Variants in WNT8B observed in about 807,000 individuals in gnomAD.
The protein encoded by WNT8B is protein Wnt-8b.
Under a neutral mutation model 36.6 loss-of-function variants are expected in WNT8B, and 24 were observed. The ratio of observed to expected loss-of-function variants is 0.66; its 90% CI spans 0.48 to 0.92. WNT8B has a LOEUF of 0.92. Among genes scored for constraint, WNT8B ranks in the 40% least tolerant of loss-of-function variants. The pLI, the probability that WNT8B is intolerant of heterozygous loss-of-function variation, is 0.00. For synonymous variants in WNT8B, 199 were observed against 189.8 expected (o/e 1.05, Z -0.40); for missense variants, 402 against 470.8 (o/e 0.85, Z 1.35).
chr10:100,476,334 C>G (rs1403778974), intron 1 of WNT8B, among the ~76,000 whole-genome samples: 1 of 151,958 alleles, frequency 6.6e-6, no homozygotes, highest in African/African-American at 2.4e-5. Context: ...TTTTGATAGA[C>G]TTCATAGTAT....
In WNT8B at chr10:100,482,885, A is replaced by T. The variant is rs1392734602; in HGVS notation, c.*69A>T. On this transcript the variant is annotated 3_prime_UTR_variant, in exon 6 of 6. Coordinates refer to ENST00000343737, the MANE Select transcript of WNT8B (RefSeq NM_003393.4). This position sits in a 1 kb window ranked among gnomAD's most constrained non-coding sequence, Gnocchi z 6.6. ...CTTTAGAGACCCCGGTAATTGTGGA[A>T]CCTAGGGAATGGGGAACCCGCTCTC... 1 of 1,418,846 alleles carries T rather than the reference A, an allele frequency of 7.0e-7. No homozygotes were observed. The highest frequency in any genetic ancestry group is 9.3e-7 in the Non-Finnish European group (1 of 1,079,424). 87.9% of individuals were successfully genotyped at this position (1,418,846 alleles called of 1,614,324 possible). A position where few individuals can be genotyped will look rare whatever the true frequency, so the allele number is the denominator to read the frequency against.
intron 1 of WNT8B, among the ~76,000 whole-genome samples, chr10:100,464,171 T>G (rs1850886823): frequency 6.6e-6 from 1 of 152,188 alleles, no homozygotes; most frequent in African/African-American, 2.4e-5. Context: ...GAGATAAGCT[T>G]CCTTTGAGAA....
intron 1 of WNT8B, among the ~76,000 whole-genome samples, chr10:100,477,690 T>G (rs933152064): frequency 6.6e-6 from 1 of 152,172 alleles, no homozygotes; most frequent in Non-Finnish European, 1.5e-5. Context: ...CAGGTACAAA[T>G]TTCTGAGTGA....
intron 1 of WNT8B, among the ~76,000 whole-genome samples, chr10:100,474,599 C>G (rs1015394817): frequency 6.6e-6 from 1 of 152,112 alleles, no homozygotes; most frequent in African/African-American, 2.4e-5. Flanking sequence ...GAGTCTCGCT[C>G]TGTCGCCCAG....
At chr10:100,479,818 T>C in intron 2 of WNT8B, 56 bp from the exon 3 acceptor site, 1 of 1,600,482 alleles carries the variant, frequency 6.2e-7, no homozygotes, top group Non-Finnish European at 8.5e-7. Flanking sequence ...GTTTGGTCAG[T>C]TTAGGGTAAA....
chr10:100,478,621 G>T (rs1308402771), intron 1 of WNT8B, among the ~76,000 whole-genome samples: 1 of 150,440 alleles, frequency 6.6e-6, no homozygotes, highest in Non-Finnish European at 1.5e-5. Flanking sequence ...TTGCTCTGCC[G>T]CCCAGGCTGG....
At chr10:100,466,280 A>G (rs1850906672) in intron 1 of WNT8B, among the ~76,000 whole-genome samples, 1 of 152,026 alleles carries the variant, frequency 6.6e-6, no homozygotes, top group South Asian at 2.1e-4. Context: ...AAAGTGCCTG[A>G]TCCATTAAAA....
chr10:100,473,079 C>T (rs1479131699), intron 1 of WNT8B, among the ~76,000 whole-genome samples: 2 of 152,056 alleles, frequency 1.3e-5, no homozygotes, highest in Non-Finnish European at 2.9e-5. Context: ...TAGGCACTTA[C>T]TATGTTCAAA....
chr10:100,472,590 G>C (rs1333738376), intron 1 of WNT8B, among the ~76,000 whole-genome samples: 1 of 152,266 alleles, frequency 6.6e-6, no homozygotes, highest in East Asian at 1.9e-4. Flanking sequence ...ATAAATGCTA[G>C]TTATTATTAC....
intron 1 of WNT8B, among the ~76,000 whole-genome samples, chr10:100,465,074 C>T (rs866742979): frequency 5.3e-5 from 8 of 152,132 alleles, no homozygotes; most frequent in Admixed American, 6.5e-5. Context: ...TAGAGAACCA[C>T]AATTTCTGCT....
chr10:100,477,007 C>T (rs1851046265), intron 1 of WNT8B, among the ~76,000 whole-genome samples: 1 of 152,206 alleles, frequency 6.6e-6, no homozygotes, highest in Admixed American at 6.5e-5. Context: ...GCCATTCCCC[C>T]AAGACTTTCT....
rs1329795734 is a variant in WNT8B, at chr10:100,482,590, G to A, written c.830G>A (p.Arg277Gln). 1.3e-6 allele frequency: 2 copies of A among 1,598,156 alleles called. No homozygotes were observed. The highest frequency in any genetic ancestry group is 1.7e-6 in the Non-Finnish European group (2 of 1,177,698). ...GGCCGAGAGTGCCTAAGGCGCGGGC[G>A]GGCCCTGGGTCGCTGGGAACGCCGC... The part of the protein sequence containing the change: ...TEGRECLRRG[R>Q]ALGRWERRSC... Residue 277 changes from arginine (R) to glutamine (Q), a missense_variant, in exon 6 of 6, where the codon CGG (arginine) becomes CAG (glutamine). By Grantham distance (43) the Arg-to-Gln change is conservative. Transcript: ENST00000343737. The surrounding 1 kb of genome is among the most constrained non-coding windows in gnomAD (Gnocchi z 6.6).
At chr10:100,480,094 A>C in intron 3 of WNT8B, 82 bp downstream of exon 3, 1 of 1,495,040 alleles carries the variant, frequency 6.7e-7, no homozygotes, top group Non-Finnish European at 9.0e-7. Context: ...CCTCCTCGAC[A>C]CCCTTATTCC....
intron 1 of WNT8B, among the ~76,000 whole-genome samples, chr10:100,469,510 T>C (rs980660584): frequency 1.3e-5 from 2 of 152,242 alleles, no homozygotes; most frequent in African/African-American, 2.4e-5. Flanking sequence ...TACTTTGGAA[T>C]AGGTAAGAAT....
At chr10:100,472,197 G>A (rs1299761053) in intron 1 of WNT8B, among the ~76,000 whole-genome samples, 1 of 150,356 alleles carries the variant, frequency 6.7e-6, no homozygotes, top group East Asian at 2.0e-4. Context: ...TGCAAGCTCC[G>A]CCTCCTGGGT....
chr10:100,466,077 A>T (rs990305590), intron 1 of WNT8B, among the ~76,000 whole-genome samples: 29 of 151,950 alleles, frequency 1.9e-4, no homozygotes, highest in Non-Finnish European at 3.5e-4. Context: ...CTAACAGATT[A>T]AAAAAAACCA....
chr10:100,480,774 C>T (rs1200799717), intron 3 of WNT8B, among the ~76,000 whole-genome samples: 5 of 151,912 alleles, frequency 3.3e-5, no homozygotes, highest in South Asian at 4.1e-4. Context: ...TTTGGGAGGA[C>T]GAGGTAGGAA....
rs372839074 is a variant in WNT8B, at chr10:100,482,650, C to T, written c.890C>T (p.Ala297Val). ...CGGCTCTGCGGGGACTGCGGGCTGG[C>T]GGTGGAGGAGCGCCGGGCCGAGACC... ...CRRLCGDCGLAVEERRAETVS... is the reference protein window; with the variant it reads ...CRRLCGDCGLVVEERRAETVS... Residue 297 changes from alanine to valine, a missense_variant, in exon 6 of 6, where the codon GCG becomes GTG. Transcript: ENST00000343737. This position sits in a 1 kb window ranked among gnomAD's most constrained non-coding sequence, Gnocchi z 6.6. 4.2e-5 allele frequency: 67 copies of T among 1,605,924 alleles called. No homozygotes were observed. In the African/African-American group the frequency reaches 8.3e-4, roughly 20 times the overall value.
rs1851120071 is a variant in WNT8B at position 100,482,016 on chromosome 10, G to A, written c.472G>A (p.Ala158Thr). 2 of 1,614,034 alleles carry A rather than the reference G, an allele frequency of 1.2e-6. No homozygotes were observed. Among genetic ancestry groups the A allele is most frequent in the South Asian group, 2.2e-5 (2 of 91,082 alleles). The change falls in exon 5 of 6, where the codon GCA becomes ACA. Residue 158 changes from alanine to threonine, a missense_variant. Physicochemically the swap from Ala to Thr is moderately conservative, Grantham distance 58. This residue lies in a region of WNT8B where 256 missense variants were observed against 278.6 expected (regional missense o/e 0.92). Transcript: ENST00000343737. The surrounding 1 kb of genome is among the most constrained non-coding windows in gnomAD (Gnocchi z 6.6). ...DALETGQDARAAMNLHNNEAG... is the reference protein window; with the variant it reads ...DALETGQDARTAMNLHNNEAG... ...CCTGGAAACAGGACAGGATGCACGG[G>A]CAGCCATGAACCTGCACAACAACGA...
Sources: allele counts gnomAD v4.1 joint callset (sites outside exome capture counted in the v4.1 genomes callset), GRCh38; gene constraint gnomAD v4.1.1; regional missense constraint gnomAD v4.1.1; non-coding constraint Gnocchi (gnomAD v3.1); transcripts MANE v1.5; gene names NCBI Gene and HGNC (gene_info 2026-07-23, HGNC 2026-07-21).